The following PPP2R3A variants were observed in gnomAD, a reference collection of about 807,000 sequenced individuals.
PPP2R3A encodes the protein serine/threonine-protein phosphatase 2A regulatory subunit B'' subunit alpha.
In PPP2R3A, 80 loss-of-function variants were observed where a neutral mutation model predicts 106.9. The observed-to-expected ratio is 0.75, with a 90% confidence interval of 0.62 to 0.90. PPP2R3A has a LOEUF of 0.90. Among genes scored for constraint, PPP2R3A ranks in the 40% least tolerant of loss-of-function variants. PPP2R3A has a pLI of 0.00. For synonymous variants in PPP2R3A, 483 were observed against 468.3 expected (o/e 1.03, Z -0.41); for missense variants, 1,386 against 1,350.4 (o/e 1.03, Z -0.41).
chr3:136,060,883 A>G (rs549008991), intron 5 of PPP2R3A, among the ~76,000 whole-genome samples: 1 of 152,338 alleles, frequency 6.6e-6, no homozygotes, highest in East Asian at 1.9e-4. Context: ...CTAAGACAGT[A>G]GATTTTGTGT....
chr3:136,052,546 G>A (rs1174965158), intron 5 of PPP2R3A, among the ~76,000 whole-genome samples: 1 of 152,018 alleles, frequency 6.6e-6, no homozygotes, highest in African/African-American at 2.4e-5. Context: ...AACTCCACAT[G>A]TAATCTTTTC....
intron 10 of PPP2R3A, among the ~76,000 whole-genome samples, chr3:136,093,449 A>ATCTTT (rs1325366610): frequency 1.2e-4 from 18 of 152,362 alleles, no homozygotes; most frequent in African/African-American, 3.8e-4. Context: ...ATCAAAAGAT[A>ATCTTT]TGATCAAGAA....
In PPP2R3A at chr3:136,045,334, C is replaced by T. The variant is rs147704031; in HGVS notation, c.2367-3925C>T. On this transcript the variant is annotated intron_variant, in intron 4 of 13. Transcript: ENST00000264977. ...GAGAACTAAGCTACAGGCCTGGTCCCAGGCCCCCAGGGTTAGAGCACACAG... is the reference window on the plus strand; with the variant it reads ...GAGAACTAAGCTACAGGCCTGGTCCTAGGCCCCCAGGGTTAGAGCACACAG... Among the ~76,000 whole-genome samples, 512 of 152,332 alleles carry T rather than the reference C, an allele frequency of 3.4e-3. 1 individual carries two copies. Among genetic ancestry groups the T allele is most frequent in the Non-Finnish European group, 6.2e-3 (424 of 68,032 alleles).
intron 4 of PPP2R3A, 135 bp downstream of exon 4, chr3:136,041,097 G>A (rs1935251999): frequency 6.3e-6 from 4 of 632,640 alleles, no homozygotes; most frequent in Non-Finnish European, 1.0e-5. Flanking sequence ...AAAATTCAAT[G>A]ATTTACAACC....
intron 4 of PPP2R3A, among the ~76,000 whole-genome samples, chr3:136,048,557 A>G (rs1348393421): frequency 6.6e-6 from 1 of 152,056 alleles, no homozygotes; most frequent in Admixed American, 6.6e-5. Context: ...CTATAGTCCC[A>G]GCTACTCTGG....
At chr3:136,082,482 A>G in intron 8 of PPP2R3A, 61 bp downstream of exon 8, 1 of 1,544,026 alleles carries the variant, frequency 6.5e-7, no homozygotes. Context: ...AATTATCACT[A>G]CTCATTATGA....
intron 8 of PPP2R3A, among the ~76,000 whole-genome samples, chr3:136,083,475 A>T (rs1936842492): frequency 6.6e-6 from 1 of 152,302 alleles, no homozygotes; most frequent in Admixed American, 6.5e-5. Flanking sequence ...AGGCCTTCTC[A>T]GCCATGTGGA....
At chr3:136,021,756 A>G (rs112636705) in intron 2 of PPP2R3A, among the ~76,000 whole-genome samples, 1 of 152,160 alleles carries the variant, frequency 6.6e-6, no homozygotes, top group African/African-American at 2.4e-5. Flanking sequence ...TCTAGTTGGA[A>G]AATATTTGGG....
intron 5 of PPP2R3A, among the ~76,000 whole-genome samples, chr3:136,068,303 G>A (rs1444973676): frequency 6.6e-6 from 1 of 151,972 alleles, no homozygotes; most frequent in Non-Finnish European, 1.5e-5. Context: ...AATGATGATA[G>A]TATAGGATTA....
At chr3:136,022,821 T>C (rs1934511695) in intron 2 of PPP2R3A, 2 of 1,260,342 alleles carry the variant, frequency 1.6e-6, no homozygotes, top group Admixed American at 4.2e-5. Context: ...CACTGCAGGC[T>C]GTGTTTATAA....
chr3:136,028,853 G>A (rs1413431548), intron 3 of PPP2R3A, among the ~76,000 whole-genome samples: 1 of 151,954 alleles, frequency 6.6e-6, no homozygotes, highest in East Asian at 1.9e-4. Flanking sequence ...TTGTTGTTTT[G>A]TTTTGTTTTG....
chr3:135,999,562 T>A (rs1011621647), intron 1 of PPP2R3A, among the ~76,000 whole-genome samples: 8 of 152,178 alleles, frequency 5.3e-5, no homozygotes, highest in African/African-American at 1.9e-4. Context: ...TGGCATTTTT[T>A]TTTTAACTCA....
At chr3:136,102,316 T>C (rs1937398036) in intron 11 of PPP2R3A, 134 bp downstream of exon 11, 1 of 983,098 alleles carries the variant, frequency 1.0e-6, no homozygotes, top group South Asian at 2.0e-5. Flanking sequence ...GTGTTTAAAG[T>C]TTCTCCTTGA....
chr3:136,076,022 G>A (rs1211119041), intron 6 of PPP2R3A, among the ~76,000 whole-genome samples: 5 of 152,238 alleles, frequency 3.3e-5, no homozygotes, highest in African/African-American at 1.2e-4. Flanking sequence ...CAGAGTCTGA[G>A]TGGTTGGGGC....
At chr3:136,047,026 T>C (rs1021439241) in intron 4 of PPP2R3A, among the ~76,000 whole-genome samples, 5 of 152,168 alleles carry the variant, frequency 3.3e-5, no homozygotes, top group African/African-American at 9.7e-5. Context: ...TTTGAATCAA[T>C]GCAGGCAGAC....
Position 136,147,337 on chromosome 3 carries a change from C to T in PPP2R3A, c.*2171C>T, listed in dbSNP as rs1347865701. 6.6e-6 allele frequency: 1 copy of T among 152,580 alleles called. No homozygotes were observed. The highest frequency in any genetic ancestry group is 2.4e-5 in the African/African-American group (1 of 41,436). The allele number at this position is 152,580 out of a possible 1,614,324, so 9.5% of individuals were successfully genotyped here. On this transcript the variant is annotated 3_prime_UTR_variant, in exon 14 of 14. Transcript: ENST00000264977. Reference sequence around the variant, plus strand: ...TATGATTACGACACTGCACTCCAGCCTAGGCGACAGAGCAAGACCCCATTC... The same window carrying T: ...TATGATTACGACACTGCACTCCAGCTTAGGCGACAGAGCAAGACCCCATTC...
intron 1 of PPP2R3A, among the ~76,000 whole-genome samples, chr3:135,977,722 A>G (rs1427988185): frequency 1.8e-5 from 2 of 113,840 alleles, no homozygotes; most frequent in Non-Finnish European, 3.5e-5. Context: ...TTTTTGAGAT[A>G]AGAGTCTCAC....
intron 6 of PPP2R3A, among the ~76,000 whole-genome samples, chr3:136,071,094 C>G (rs1007846722): frequency 4.6e-5 from 7 of 152,268 alleles, no homozygotes; most frequent in Non-Finnish European, 1.0e-4. Flanking sequence ...TAAGTGAGCA[C>G]ACACAGGCCC....
intron 13 of PPP2R3A, among the ~76,000 whole-genome samples, chr3:136,129,302 C>G (rs1370259313): frequency 1.3e-5 from 2 of 151,742 alleles, no homozygotes; most frequent in Non-Finnish European, 2.9e-5. Flanking sequence ...AGAGAAGAAT[C>G]AAATAGATGC....
Sources: gnomAD v4.1 joint callset for allele counts (sites outside exome capture counted in the v4.1 genomes callset) on GRCh38, gnomAD v4.1.1 for gene constraint, MANE v1.5 for transcripts, NCBI Gene and HGNC (gene_info 2026-07-23, HGNC 2026-07-21) for gene names.